The following SYT16 variants were observed in gnomAD, a reference collection of about 807,000 sequenced individuals.
SYT16 encodes synaptotagmin-16.
A neutral mutation model predicts 61.4 loss-of-function variants in SYT16; 42 were observed. The observed-to-expected ratio is 0.68, with a 90% CI of 0.53 to 0.89. SYT16 has a LOEUF of 0.89. Among genes scored for constraint, SYT16 ranks in the 40% least tolerant of loss-of-function variants. The probability of loss-of-function intolerance (pLI) is 0.00; values close to 1 mark genes in which losing one functional copy is unlikely to be tolerated. For missense variants in SYT16, 804 were observed against 807.3 expected (o/e 1.00, Z 0.05); for synonymous variants, 314 against 302.3 (o/e 1.04, Z -0.40).
chr14:61,872,314 A>G (rs376180438), intron 1 of SYT16, among the ~76,000 whole-genome samples: 2 of 152,200 alleles, frequency 1.3e-5, no homozygotes, highest in African/African-American at 2.4e-5. Flanking sequence ...TATAATGTGT[A>G]AAGATCAAGT....
At chr14:61,995,560 C>A (rs2052729941) in intron 2 of SYT16, among the ~76,000 whole-genome samples, 1 of 151,986 alleles carries the variant, frequency 6.6e-6, no homozygotes, top group Non-Finnish European at 1.5e-5. Context: ...AAATGTCATG[C>A]CCAATTGGAT....
chr14:61,937,747 T>C (rs2050039624), intron 1 of SYT16, among the ~76,000 whole-genome samples: 1 of 152,118 alleles, frequency 6.6e-6, no homozygotes. Flanking sequence ...GCATTTGGCT[T>C]TGTTGGGTTA....
chr14:61,875,423 A>T (rs958715970), intron 1 of SYT16, among the ~76,000 whole-genome samples: 1 of 152,246 alleles, frequency 6.6e-6, no homozygotes, highest in Non-Finnish European at 1.5e-5. Context: ...GAATTAGGAA[A>T]GAGATGGACA....
At chr14:61,904,566 T>C (rs189607430) in intron 1 of SYT16, among the ~76,000 whole-genome samples, 2 of 152,302 alleles carry the variant, frequency 1.3e-5, no homozygotes, top group East Asian at 3.9e-4. Flanking sequence ...AAATGGTATG[T>C]GGAGCTAATG....
chr14:62,012,758 C>G (rs901914937), intron 3 of SYT16, among the ~76,000 whole-genome samples: 3 of 152,104 alleles, frequency 2.0e-5, no homozygotes, highest in Non-Finnish European at 1.5e-5. Flanking sequence ...TAAAAGGCAA[C>G]TTTTACTTTA....
Position 62,033,901 on chromosome 14 carries a change from G to T in SYT16, c.524-35702G>T, listed in dbSNP as rs1171314743. ...AGAATTTTTGTGCTGAAAATGATACGATGAGCAAAGTGAAAAGACAACCTA... is the reference window on the plus strand; with the variant it reads ...AGAATTTTTGTGCTGAAAATGATACTATGAGCAAAGTGAAAAGACAACCTA... On this transcript the variant is annotated intron_variant, in intron 3 of 7. Coordinates refer to ENST00000683842, the MANE Select transcript of SYT16 (RefSeq NM_001367656.1). 2.6e-5 allele frequency among the ~76,000 whole-genome samples: 4 copies of T among 152,020 alleles called. No homozygotes were observed. The South Asian group carries it at 8.3e-4, about 32-fold the overall frequency.
intron 1 of SYT16, among the ~76,000 whole-genome samples, chr14:61,826,255 C>T (rs11158364): frequency 0.052 from 7,831 of 151,954 alleles, 437 homozygotes; most frequent in African/African-American, 0.12. Flanking sequence ...CATGCTAGTT[C>T]GCCTCATGTG....
At chr14:62,060,802 T>A (rs2055793908) in intron 3 of SYT16, among the ~76,000 whole-genome samples, 1 of 152,064 alleles carries the variant, frequency 6.6e-6, no homozygotes, top group African/African-American at 2.4e-5. Context: ...ATGTCTTTGT[T>A]AGAAGGAGTT....
At chr14:62,088,792 A>C (rs1470443877) in intron 7 of SYT16, among the ~76,000 whole-genome samples, 1 of 152,060 alleles carries the variant, frequency 6.6e-6, no homozygotes, top group Non-Finnish European at 1.5e-5. Context: ...GGGTATAGGG[A>C]CCTCCACTGT....
intron 1 of SYT16, among the ~76,000 whole-genome samples, chr14:61,852,873 C>A (rs1449056752): frequency 6.6e-6 from 1 of 152,132 alleles, no homozygotes; most frequent in African/African-American, 2.4e-5. Context: ...ATACTGTAAA[C>A]ACAGAGGTTT....
intron 1 of SYT16, among the ~76,000 whole-genome samples, chr14:61,917,486 G>C (rs1367242852): frequency 6.6e-6 from 1 of 152,116 alleles, no homozygotes; most frequent in Non-Finnish European, 1.5e-5. Flanking sequence ...TAGACTTGGA[G>C]CTATGATCAT....
intron 3 of SYT16, among the ~76,000 whole-genome samples, chr14:62,044,954 G>A (rs8017509): frequency 0.45 from 68,305 of 151,866 alleles, 18,581 homozygotes; most frequent in African/African-American, 0.78. Flanking sequence ...CCTGGCCAAC[G>A]TGGTGAAACC....
intron 1 of SYT16, among the ~76,000 whole-genome samples, chr14:61,966,206 C>T (rs954393034): frequency 5.3e-5 from 8 of 152,058 alleles, no homozygotes; most frequent in Non-Finnish European, 8.8e-5. Flanking sequence ...CCATTTTCTA[C>T]ACTTTTTCTT....
rs1467253334 is a variant in SYT16, at chr14:62,075,531, A to T, written c.993+140A>T. 4.4e-6 allele frequency: 4 copies of T among 918,234 alleles called. No individual in the cohort carries two copies. In the African/African-American group the frequency reaches 5.0e-5, roughly 11 times the overall value. The allele number at this position is 918,234 out of a possible 1,614,324, so 56.9% of individuals were successfully genotyped here. On this transcript the variant is annotated intron_variant, in intron 5 of 7. Transcript: ENST00000683842. ...TTATCTGCAATAAATTTTTGTCCAG[A>T]TGACCAAAATCCCATGCATGTCAAT...
intron 1 of SYT16, among the ~76,000 whole-genome samples, chr14:61,834,223 C>T (rs551774330): frequency 1.3e-5 from 2 of 151,920 alleles, no homozygotes; most frequent in Admixed American, 6.6e-5. Flanking sequence ...CTCCACCTCC[C>T]AGGTTCAAGC....
At chr14:61,953,113 A>T (rs1182981026) in intron 1 of SYT16, among the ~76,000 whole-genome samples, 1 of 152,172 alleles carries the variant, frequency 6.6e-6, no homozygotes, top group African/African-American at 2.4e-5. Flanking sequence ...TCTCAGTGTA[A>T]CTTGTTCTGT....
rs572850165 is a variant in SYT16 at position 61,974,953 on chromosome 14, A to T, written c.-145+4642A>T. On this transcript the variant is annotated intron_variant, in intron 2 of 7. Transcript: ENST00000683842. ...GCTCTCTACCTGCAACTAAACAGAT[A>T]CCTTCTGATTCAGCAGGGGCTTCTG... Among the ~76,000 whole-genome samples the T allele has an allele frequency of 3.9e-5, 6 of 152,302 alleles. No individual in the cohort carries two copies. The South Asian group carries it at 1.2e-3, about 32-fold the overall frequency.
chr14:61,856,327 C>T (rs183626773), intron 1 of SYT16, among the ~76,000 whole-genome samples: 1 of 152,288 alleles, frequency 6.6e-6, no homozygotes, highest in East Asian at 1.9e-4. Context: ...CAGATGATGG[C>T]AGCAGGGGAG....
chr14:61,836,076 GT>G (rs2046118397), intron 1 of SYT16, among the ~76,000 whole-genome samples: 1 of 152,196 alleles, frequency 6.6e-6, no homozygotes, highest in African/African-American at 2.4e-5. Context: ...AGCAATCAGT[GT>G]TTTGATTAGC....
Sources: allele counts gnomAD v4.1 joint callset (sites outside exome capture counted in the v4.1 genomes callset), GRCh38; gene constraint gnomAD v4.1.1; transcripts MANE v1.5; gene names NCBI Gene and HGNC (gene_info 2026-07-23, HGNC 2026-07-21).